NBAS: variants seen among roughly 807,000 people sequenced by gnomAD.
NBAS encodes the protein NBAS subunit of NRZ tethering complex.
In NBAS, 219 loss-of-function variants were observed where a neutral mutation model predicts 302.5. That is an observed-to-expected ratio of 0.72 (90% CI 0.65 to 0.81). The LOEUF (loss-of-function observed/expected upper bound fraction) is 0.81, where lower values mean the gene tolerates loss of function less well. Ranked by LOEUF, NBAS falls within the 30% of genes least tolerant of loss-of-function variation. NBAS has a pLI of 0.00. For synonymous variants in NBAS, 1,118 were observed against 1,021.6 expected, an observed-to-expected ratio of 1.09 and a Z score of -1.80; for missense variants, 2,932 against 2,841.6, an observed-to-expected ratio of 1.03 and a Z score of -0.72.
chr2:15,050,195 C>T, the NBAS span, among the ~76,000 whole-genome samples: 437 of 152,206 alleles, frequency 2.9e-3, no homozygotes, highest in African/African-American at 9.4e-3. Flanking sequence ...CACACTCGAA[C>T]CAAAAAGAAG....
the NBAS span, among the ~76,000 whole-genome samples, chr2:15,056,822 CTTTTTTTTTTCTTTTTT>C: frequency 7.2e-6 from 1 of 138,254 alleles, no homozygotes; most frequent in East Asian, 2.1e-4. Context: ...TTTCCCTTTT[CTTTTTTTTTTCTTTTTT>C]TTTTTTTTTG....
chr2:14,890,068 C>T, the NBAS span, among the ~76,000 whole-genome samples: 1 of 152,192 alleles, frequency 6.6e-6, no homozygotes, highest in Non-Finnish European at 1.5e-5. Context: ...TACTAGTGTG[C>T]AAATTCCTAA....
At chr2:15,291,667 G>C (rs1670309127) in intron 41 of NBAS, among the ~76,000 whole-genome samples, 1 of 152,164 alleles carries the variant, frequency 6.6e-6, no homozygotes, top group Non-Finnish European at 1.5e-5. Context: ...GACTAAAGGA[G>C]AAACAGCTGG....
intron 23 of NBAS, among the ~76,000 whole-genome samples, chr2:15,421,652 A>T (rs556716815): frequency 6.6e-6 from 1 of 152,136 alleles, no homozygotes; most frequent in Non-Finnish European, 1.5e-5. Context: ...TTTAAAATAA[A>T]TGAAAGAATG....
chr2:15,321,290 C>A (rs1330022783), intron 38 of NBAS, among the ~76,000 whole-genome samples: 1 of 152,146 alleles, frequency 6.6e-6, no homozygotes, highest in African/African-American at 2.4e-5. Context: ...ACCATAAAAA[C>A]CCTAGAAGAA....
intron 35 of NBAS, among the ~76,000 whole-genome samples, chr2:15,333,027 G>A (rs1411953473): frequency 6.6e-6 from 1 of 152,222 alleles, no homozygotes. Context: ...AAGGAAAGCA[G>A]AGATATAGAG....
the NBAS span, among the ~76,000 whole-genome samples, chr2:14,931,428 G>A: frequency 2.9e-4 from 44 of 152,240 alleles, no homozygotes; most frequent in South Asian, 1.0e-3. Context: ...TGACAAACCC[G>A]TAGGCCTAAA....
the NBAS span, among the ~76,000 whole-genome samples, chr2:14,828,360 G>A: frequency 6.6e-6 from 1 of 152,108 alleles, no homozygotes; most frequent in Non-Finnish European, 1.5e-5. Flanking sequence ...GGTGATGAGA[G>A]GGAGCAGCCC....
At chr2:15,532,438 G>A (rs541053257) in intron 9 of NBAS, among the ~76,000 whole-genome samples, 2 of 144,664 alleles carry the variant, frequency 1.4e-5, no homozygotes, top group Non-Finnish European at 3.0e-5. Context: ...GCAGTGAGCC[G>A]AGATTGCGCC....
the NBAS span, among the ~76,000 whole-genome samples, chr2:15,072,252 T>A: frequency 6.6e-6 from 1 of 152,268 alleles, no homozygotes; most frequent in African/African-American, 2.4e-5. Flanking sequence ...CCTTGCTGTT[T>A]TAATTGACTT....
chr2:15,005,158 C>T, the NBAS span, among the ~76,000 whole-genome samples: 5 of 152,144 alleles, frequency 3.3e-5, no homozygotes, highest in African/African-American at 1.2e-4. Flanking sequence ...AAACCTACCA[C>T]CTTAACAGAT....
intron 11 of NBAS, among the ~76,000 whole-genome samples, chr2:15,500,500 T>TCACA (rs1491465461): frequency 2.7e-4 from 30 of 112,082 alleles, no homozygotes; most frequent in Non-Finnish European, 2.9e-4. Context: ...ATTTTAGAAG[T>TCACA]CTCACACACA....
intron 9 of NBAS, among the ~76,000 whole-genome samples, chr2:15,520,277 C>G (rs1662600809): frequency 6.6e-6 from 1 of 152,100 alleles, no homozygotes; most frequent in Non-Finnish European, 1.5e-5. Context: ...TGACATGTGC[C>G]TGTAGTCCCA....
chr2:15,228,321 G>C (rs182347937), intron 47 of NBAS, among the ~76,000 whole-genome samples: 35 of 152,100 alleles, frequency 2.3e-4, no homozygotes, highest in African/African-American at 8.2e-4. Flanking sequence ...CATTTTCCCC[G>C]AGTTAAGAAA....
At chr2:15,403,174 T>C (rs1014765901) in intron 25 of NBAS, among the ~76,000 whole-genome samples, 2 of 152,188 alleles carry the variant, frequency 1.3e-5, no homozygotes, top group African/African-American at 4.8e-5. Context: ...TTCAATGTTT[T>C]AGTAGAAACT....
chr2:14,864,056 C>T, the NBAS span, among the ~76,000 whole-genome samples: 30 of 152,204 alleles, frequency 2.0e-4, no homozygotes, highest in African/African-American at 5.3e-4. Context: ...CGGTGGCTCA[C>T]GCCTGTAATC....
chr2:14,942,044 T>C, the NBAS span, among the ~76,000 whole-genome samples: 1 of 152,216 alleles, frequency 6.6e-6, no homozygotes. Flanking sequence ...TGAGACACGA[T>C]GGTTCTAGAA....
chr2:14,847,799 C>A, the NBAS span, among the ~76,000 whole-genome samples: 5 of 152,170 alleles, frequency 3.3e-5, no homozygotes, highest in Admixed American at 3.3e-4. Flanking sequence ...CATATTTACA[C>A]AACATTTCAT....
At chr2:15,024,771 A>G in the NBAS span, among the ~76,000 whole-genome samples, 2 of 152,314 alleles carry the variant, frequency 1.3e-5, no homozygotes, top group African/African-American at 4.8e-5. Context: ...TCTTCTTTTG[A>G]AAAGTGTCTG....
Sources: gnomAD v4.1 joint callset for allele counts (sites outside exome capture counted in the v4.1 genomes callset) on GRCh38, gnomAD v4.1.1 for gene constraint, MANE v1.5 for transcripts, NCBI Gene and HGNC (gene_info 2026-07-23, HGNC 2026-07-21) for gene names.